NSMCE2: variants seen among roughly 807,000 people sequenced by gnomAD.
NSMCE2 encodes NSE2 SUMO ligase component of SMC5/6 complex.
Under a neutral mutation model 23.8 loss-of-function variants are expected in NSMCE2, and 24 were observed. The observed-to-expected ratio is 1.01, with a 90% confidence interval of 0.73 to 1.42. The LOEUF (loss-of-function observed/expected upper bound fraction) is 1.42. Among genes scored for constraint, NSMCE2 ranks in the 40% most tolerant of loss-of-function variants. The pLI is 0.00. For synonymous variants in NSMCE2, 92 were observed against 94.1 expected, an observed-to-expected ratio of 0.98 and a Z score of 0.13; for missense variants, 284 against 296.5, an observed-to-expected ratio of 0.96 and a Z score of 0.31.
chr8:125,274,613 G>A (rs572580871), intron 5 of NSMCE2, among the ~76,000 whole-genome samples: 1 of 152,190 alleles, frequency 6.6e-6, no homozygotes, highest in East Asian at 1.9e-4. Context: ...CAGTTTCACT[G>A]ACAAGGAATA....
intron 3 of NSMCE2, among the ~76,000 whole-genome samples, chr8:125,120,476 C>G (rs1444092619): frequency 1.3e-5 from 2 of 152,130 alleles, no homozygotes; most frequent in Admixed American, 6.6e-5. Context: ...TCTGAGGATC[C>G]TGCTAGTATT....
chr8:125,311,545 G>A (rs4466418), intron 5 of NSMCE2, among the ~76,000 whole-genome samples: 68,946 of 152,086 alleles, frequency 0.45, 18,096 homozygotes, highest in Admixed American at 0.58. Context: ...TTTATTCGTG[G>A]TATGTTGTGC....
intron 5 of NSMCE2, among the ~76,000 whole-genome samples, chr8:125,301,730 T>G (rs1828572924): frequency 1.3e-5 from 2 of 149,782 alleles, no homozygotes; most frequent in African/African-American, 2.5e-5. Context: ...TGGCACAGTC[T>G]CGGCTCACTA....
At chr8:125,190,568 T>A (rs1586587354) in intron 5 of NSMCE2, among the ~76,000 whole-genome samples, 2 of 152,330 alleles carry the variant, frequency 1.3e-5, no homozygotes, top group Middle Eastern at 3.4e-3. Context: ...ATTAAAGGAT[T>A]GATTCCATAG....
intron 5 of NSMCE2, among the ~76,000 whole-genome samples, chr8:125,346,454 G>A (rs1830438461): frequency 6.6e-6 from 1 of 152,160 alleles, no homozygotes; most frequent in South Asian, 2.1e-4. Flanking sequence ...GAGTGCAAAG[G>A]GCGCTCCTTA....
intron 5 of NSMCE2, among the ~76,000 whole-genome samples, chr8:125,310,322 T>G (rs1828930358): frequency 6.6e-6 from 1 of 151,950 alleles, no homozygotes; most frequent in Non-Finnish European, 1.5e-5. Flanking sequence ...TGCTCCTCAG[T>G]TTTTTTTAAT....
intron 5 of NSMCE2, among the ~76,000 whole-genome samples, chr8:125,237,657 C>A (rs142915036): frequency 1.1e-3 from 166 of 152,298 alleles, no homozygotes; most frequent in African/African-American, 3.8e-3. Flanking sequence ...AAGTCACATT[C>A]TTTTTTTCTC....
intron 5 of NSMCE2, among the ~76,000 whole-genome samples, chr8:125,220,470 GA>G (rs1368450144): frequency 6.6e-6 from 1 of 151,982 alleles, no homozygotes; most frequent in East Asian, 1.9e-4. Flanking sequence ...CCTAATTCTT[GA>G]TATTATTTGT....
intron 4 of NSMCE2, among the ~76,000 whole-genome samples, chr8:125,178,200 C>T (rs1012982603): frequency 1.3e-5 from 2 of 152,142 alleles, no homozygotes; most frequent in Non-Finnish European, 2.9e-5. Context: ...GTGTCTTTCT[C>T]GCTGCCTGTT....
At chr8:125,145,106 T>A (rs1820603315) in intron 3 of NSMCE2, among the ~76,000 whole-genome samples, 1 of 152,210 alleles carries the variant, frequency 6.6e-6, no homozygotes, top group Non-Finnish European at 1.5e-5. Flanking sequence ...TCAGTGATAA[T>A]CATTCTTTGT....
chr8:125,194,913 G>A (rs1823541524), intron 5 of NSMCE2, among the ~76,000 whole-genome samples: 1 of 151,758 alleles, frequency 6.6e-6, no homozygotes. Flanking sequence ...GTTCATGTTT[G>A]TCTATTAGCA....
chr8:125,148,575 G>A (rs1820812565), intron 3 of NSMCE2, among the ~76,000 whole-genome samples: 1 of 152,130 alleles, frequency 6.6e-6, no homozygotes, highest in Admixed American at 6.5e-5. Context: ...GTGAGTGCCT[G>A]TTTGGTTTTG....
intron 5 of NSMCE2, among the ~76,000 whole-genome samples, chr8:125,331,718 C>T (rs914109936): frequency 6.6e-6 from 1 of 152,124 alleles, no homozygotes; most frequent in African/African-American, 2.4e-5. Flanking sequence ...GCTTCAGAAC[C>T]CAAATCCCCT....
At chr8:125,314,423 G>C (rs1829095236) in intron 5 of NSMCE2, among the ~76,000 whole-genome samples, 1 of 152,162 alleles carries the variant, frequency 6.6e-6, no homozygotes. Flanking sequence ...CCAAGTAGCT[G>C]GGGTTATAGG....
At chr8:125,359,326 T>C (rs1456353823) in intron 7 of NSMCE2, among the ~76,000 whole-genome samples, 1 of 141,646 alleles carries the variant, frequency 7.1e-6, no homozygotes, top group South Asian at 2.2e-4. Context: ...TTCTTGCTCT[T>C]TCTCTTTTTT....
intron 3 of NSMCE2, among the ~76,000 whole-genome samples, chr8:125,120,325 A>C (rs1305834492): frequency 6.6e-6 from 1 of 152,260 alleles, no homozygotes; most frequent in Non-Finnish European, 1.5e-5. Flanking sequence ...GAGAGTACTC[A>C]AATCAAACCA....
chr8:125,254,286 G>A (rs889680738), intron 5 of NSMCE2, among the ~76,000 whole-genome samples: 2 of 152,186 alleles, frequency 1.3e-5, no homozygotes, highest in Non-Finnish European at 2.9e-5. Flanking sequence ...ATGCATGTCA[G>A]TGCATAGGAT....
chr8:125,188,759 A>G (rs975846033), intron 5 of NSMCE2, among the ~76,000 whole-genome samples: 1 of 152,170 alleles, frequency 6.6e-6, no homozygotes, highest in African/African-American at 2.4e-5. Flanking sequence ...ACTAAGGCCA[A>G]AATGTGCAGT....
chr8:125,219,083 A>C (rs1348382832), intron 5 of NSMCE2, among the ~76,000 whole-genome samples: 3 of 152,176 alleles, frequency 2.0e-5, no homozygotes, highest in African/African-American at 7.2e-5. Context: ...AAATCCCTGA[A>C]CACCAGTCCA....
Sources: gnomAD v4.1 joint callset for allele counts (sites outside exome capture counted in the v4.1 genomes callset) on GRCh38, gnomAD v4.1.1 for gene constraint, MANE v1.5 for transcripts, NCBI Gene and HGNC (gene_info 2026-07-23, HGNC 2026-07-21) for gene names.